The following COX7B2 variants were observed in gnomAD, a reference collection of about 807,000 sequenced individuals.
COX7B2 encodes the protein cytochrome c oxidase subunit 7B2, mitochondrial.
For missense variants in COX7B2, 109 were observed against 95.9 expected (o/e 1.14, Z -0.57); for synonymous variants, 37 against 32.1 (o/e 1.15, Z -0.51).
chr4:46,805,000 C>T (rs1020621402), intron 2 of COX7B2, among the ~76,000 whole-genome samples: 1 of 152,168 alleles, frequency 6.6e-6, no homozygotes, highest in African/African-American at 2.4e-5. Context: ...CAGCTAAGGC[C>T]CGGCAAGAAG....
intron 2 of COX7B2, among the ~76,000 whole-genome samples, chr4:46,767,562 A>G (rs961149266): frequency 6.6e-6 from 1 of 152,184 alleles, no homozygotes; most frequent in Non-Finnish European, 1.5e-5. Context: ...TTCTTTCCAA[A>G]GCACACAAAA....
chr4:46,740,067 G>A (rs995888447), intron 2 of COX7B2, among the ~76,000 whole-genome samples: 1 of 151,898 alleles, frequency 6.6e-6, no homozygotes, highest in Non-Finnish European at 1.5e-5. Context: ...GGATGATGCA[G>A]CTTATCAATT....
intron 1 of COX7B2, among the ~76,000 whole-genome samples, chr4:46,882,175 G>C (rs1198969517): frequency 6.6e-6 from 1 of 152,034 alleles, no homozygotes; most frequent in East Asian, 1.9e-4. Flanking sequence ...GGTATGGTTT[G>C]GTTCTTTTAC....
intron 2 of COX7B2, among the ~76,000 whole-genome samples, chr4:46,842,863 C>T (rs559079558): frequency 1.3e-3 from 194 of 152,160 alleles, no homozygotes; most frequent in African/African-American, 4.5e-3. Flanking sequence ...TATAAACATA[C>T]GTGTGCATGT....
At chr4:46,782,972 A>C (rs1717563405) in intron 2 of COX7B2, among the ~76,000 whole-genome samples, 1 of 152,160 alleles carries the variant, frequency 6.6e-6, no homozygotes, top group African/African-American at 2.4e-5. Context: ...GAACCCACCA[A>C]TTCCGGACAT....
chr4:46,865,229 C>T (rs1327268927), intron 1 of COX7B2, among the ~76,000 whole-genome samples: 1 of 152,112 alleles, frequency 6.6e-6, no homozygotes, highest in Non-Finnish European at 1.5e-5. Context: ...TGTGTTACTT[C>T]ACTTAGAATA....
chr4:46,799,227 A>C (rs531036557), intron 2 of COX7B2, among the ~76,000 whole-genome samples: 1 of 152,236 alleles, frequency 6.6e-6, no homozygotes, highest in South Asian at 2.1e-4. Flanking sequence ...CTGAAACTTT[A>C]CTAAAGTTGT....
chr4:46,878,897 AAAG>A (rs1446004555), intron 1 of COX7B2, among the ~76,000 whole-genome samples: 1 of 152,166 alleles, frequency 6.6e-6, no homozygotes, highest in Non-Finnish European at 1.5e-5. Context: ...CACGCCTAAC[AAAG>A]AAGGCAAGGA....
At chr4:46,824,271 T>C (rs1391072678) in intron 2 of COX7B2, among the ~76,000 whole-genome samples, 3 of 152,052 alleles carry the variant, frequency 2.0e-5, no homozygotes, top group Admixed American at 1.3e-4. Context: ...CCTACAGAAA[T>C]ATTCCAAAAA....
intron 2 of COX7B2, among the ~76,000 whole-genome samples, chr4:46,832,685 C>A (rs1715226014): frequency 6.6e-6 from 1 of 152,036 alleles, no homozygotes; most frequent in Non-Finnish European, 1.5e-5. Context: ...CTGTTTAGTA[C>A]CATCCTCTTG....
At chr4:46,740,414 G>A (rs1714634655) in intron 2 of COX7B2, among the ~76,000 whole-genome samples, 1 of 151,968 alleles carries the variant, frequency 6.6e-6, no homozygotes, top group South Asian at 2.1e-4. Context: ...GTTGTATTAA[G>A]CTCCCAATAT....
At chr4:46,808,836 T>C (rs969827654) in intron 2 of COX7B2, among the ~76,000 whole-genome samples, 3 of 151,932 alleles carry the variant, frequency 2.0e-5, no homozygotes, top group East Asian at 1.9e-4. Context: ...ATGTATCACA[T>C]TGATTGATTT....
intron 2 of COX7B2, among the ~76,000 whole-genome samples, chr4:46,807,897 C>A (rs1719087037): frequency 6.6e-6 from 1 of 151,700 alleles, no homozygotes; most frequent in African/African-American, 2.4e-5. Context: ...TGTTTTCATG[C>A]CAGTACCATG....
chr4:46,848,584 A>G (rs144378704), intron 1 of COX7B2, among the ~76,000 whole-genome samples: 3 of 152,048 alleles, frequency 2.0e-5, no homozygotes, highest in African/African-American at 7.2e-5. Flanking sequence ...GAAAGCAATT[A>G]TTCCTCTATT....
intron 1 of COX7B2, among the ~76,000 whole-genome samples, chr4:46,902,099 T>C (rs1720102964): frequency 6.6e-6 from 1 of 152,172 alleles, no homozygotes; most frequent in African/African-American, 2.4e-5. Flanking sequence ...AATACATCTA[T>C]GAGCAATGGG....
Position 46,833,799 on chromosome 4 carries a change from G to A in COX7B2, c.-50+11161C>T, listed in dbSNP as rs557062251. On this transcript the variant is annotated intron_variant, in intron 2 of 2. Coordinates refer to ENST00000355591, the MANE Select transcript of COX7B2 (RefSeq NM_130902.3). Reference sequence around the variant, plus strand: ...TGTAAATATTAATCTTTACAGATAAGGCAAAAAAAAGAAGTGTGCAAAAAA... The same window carrying A: ...TGTAAATATTAATCTTTACAGATAAAGCAAAAAAAAGAAGTGTGCAAAAAA... Among the ~76,000 whole-genome samples, 32 of 151,952 alleles carry A rather than the reference G, an allele frequency of 2.1e-4. 1 individual carries two copies. In the East Asian group the frequency reaches 4.1e-3, roughly 19 times the overall value.
intron 1 of COX7B2, among the ~76,000 whole-genome samples, chr4:46,896,780 C>T (rs78877395): frequency 0.023 from 3,467 of 152,224 alleles, 57 homozygotes; most frequent in Non-Finnish European, 0.033. Flanking sequence ...TTTGTTAATG[C>T]AGTTCAGCTG....
At chr4:46,774,119 C>T (rs1717030629) in intron 2 of COX7B2, among the ~76,000 whole-genome samples, 1 of 152,146 alleles carries the variant, frequency 6.6e-6, no homozygotes, top group Admixed American at 6.5e-5. Flanking sequence ...GATGTTCACG[C>T]TTTTGATATT....
chr4:46,907,634 G>A (rs555928764), intron 1 of COX7B2, among the ~76,000 whole-genome samples: 3 of 151,864 alleles, frequency 2.0e-5, no homozygotes, highest in South Asian at 4.2e-4. Flanking sequence ...ACCTCCTATG[G>A]GTGGAGTCAC....
Sources: gnomAD v4.1 joint callset for allele counts (sites outside exome capture counted in the v4.1 genomes callset) on GRCh38, gnomAD v4.1.1 for gene constraint, MANE v1.5 for transcripts, NCBI Gene and HGNC (gene_info 2026-07-23, HGNC 2026-07-21) for gene names.